ST6GALNAC3: variants seen among roughly 807,000 people sequenced by gnomAD.
The protein encoded by ST6GALNAC3 is alpha-N-acetylgalactosaminide alpha-2,6-sialyltransferase 3.
A neutral mutation model predicts 32.7 loss-of-function variants in ST6GALNAC3; 25 were observed. The observed-to-expected ratio is 0.76, with a 90% CI of 0.56 to 1.07. ST6GALNAC3 has a LOEUF of 1.07. Ranked by LOEUF, ST6GALNAC3 falls within the 50% of genes least tolerant of loss-of-function variation. ST6GALNAC3 has a pLI of 0.00. For missense variants in ST6GALNAC3, 355 were observed against 382.4 expected, an observed-to-expected ratio of 0.93 and a Z score of 0.60; for synonymous variants, 129 against 133.1, an observed-to-expected ratio of 0.97 and a Z score of 0.21.
At chr1:76,433,491 C>T (rs2101459518) in intron 3 of ST6GALNAC3, among the ~76,000 whole-genome samples, 1 of 152,172 alleles carries the variant, frequency 6.6e-6, no homozygotes, top group East Asian at 1.9e-4. Context: ...TGCATATGTA[C>T]ACATAATAAG....
At chr1:76,289,265 A>G (rs921057409) in intron 1 of ST6GALNAC3, among the ~76,000 whole-genome samples, 2 of 152,096 alleles carry the variant, frequency 1.3e-5, no homozygotes, top group African/African-American at 4.8e-5. Context: ...TTTTGGGCAC[A>G]TTTTCTCTGA....
intron 3 of ST6GALNAC3, among the ~76,000 whole-genome samples, chr1:76,601,249 A>G (rs1302737255): frequency 6.6e-6 from 1 of 152,096 alleles, no homozygotes; most frequent in Non-Finnish European, 1.5e-5. Context: ...ATTCTATTTC[A>G]GGAAAATAGC....
chr1:76,074,899 CTG>C lies in ST6GALNAC3; in HGVS notation c.18+18_18+19del, dbSNP rs770818510. 7 of 1,589,952 alleles carry C rather than the reference CTG, an allele frequency of 4.4e-6. No homozygotes were observed. The Admixed American group carries it at 1.2e-4, about 28-fold the overall frequency. On this transcript the variant is annotated intron_variant, in intron 1 of 4. Transcript: ENST00000328299. ...GCATCCTGAAGGTAACGACTTGGAT[CTG>C]TGGCTCGGACGCGTGGTTGGCCAGC...
intron 1 of ST6GALNAC3, among the ~76,000 whole-genome samples, chr1:76,103,169 C>A (rs1571154591): frequency 7.7e-6 from 1 of 130,078 alleles, no homozygotes; most frequent in African/African-American, 2.9e-5. Context: ...GTGAAGTTTT[C>A]TTTTTACATT....
At position 76,524,714 on chromosome 1, in the gene ST6GALNAC3, G is replaced by GTT. The variant is rs199723434; in HGVS notation, c.624-102723_624-102722dup. On this transcript the variant is annotated intron_variant, in intron 3 of 4. Transcript: ENST00000328299. Reference sequence around the variant, plus strand: ...TATAGAAATAGAGGCAAATATTTCAGTTTTTTTTTTTTTTTTACAGAACGT... The same window carrying GTT: ...TATAGAAATAGAGGCAAATATTTCAGTTTTTTTTTTTTTTTTTTACAGAACGT... Among the ~76,000 whole-genome samples the GTT allele has an allele frequency of 8.9e-4, 125 of 140,100 alleles. No homozygotes were observed. The Middle Eastern group carries it at 0.015, about 17-fold the overall frequency. 91.9% of individuals were successfully genotyped at this position (140,100 alleles called of 152,430 possible).
chr1:76,456,696 C>G (rs1008852161), intron 3 of ST6GALNAC3, among the ~76,000 whole-genome samples: 1 of 152,064 alleles, frequency 6.6e-6, no homozygotes, highest in African/African-American at 2.4e-5. Flanking sequence ...ATTGATGAGA[C>G]GTATCTCAAA....
intron 2 of ST6GALNAC3, among the ~76,000 whole-genome samples, chr1:76,361,265 T>G (rs567070444): frequency 4.1e-4 from 63 of 152,248 alleles, no homozygotes; most frequent in African/African-American, 1.4e-3. Context: ...ACTACCATTC[T>G]CCTTTCTGTT....
chr1:76,290,904 T>C (rs1660044607), intron 1 of ST6GALNAC3, among the ~76,000 whole-genome samples: 1 of 152,148 alleles, frequency 6.6e-6, no homozygotes, highest in Non-Finnish European at 1.5e-5. Flanking sequence ...GATCCACACA[T>C]ACCTGTCCTG....
intron 1 of ST6GALNAC3, among the ~76,000 whole-genome samples, chr1:76,260,758 C>T (rs539476858): frequency 6.6e-6 from 1 of 152,184 alleles, no homozygotes; most frequent in Non-Finnish European, 1.5e-5. Context: ...GGTGCAGACT[C>T]TGAATAAATT....
At chr1:76,496,363 T>A (rs1163865380) in intron 3 of ST6GALNAC3, among the ~76,000 whole-genome samples, 1 of 152,196 alleles carries the variant, frequency 6.6e-6, no homozygotes, top group Non-Finnish European at 1.5e-5. Context: ...GGGGAAGCAC[T>A]TGAACCCATA....
chr1:76,224,735 T>C (rs1416024021), intron 1 of ST6GALNAC3, among the ~76,000 whole-genome samples: 1 of 152,192 alleles, frequency 6.6e-6, no homozygotes, highest in African/African-American at 2.4e-5. Flanking sequence ...AATATTTCCC[T>C]TAAATCAGCC....
At chr1:76,092,449 C>T (rs575552810) in intron 1 of ST6GALNAC3, among the ~76,000 whole-genome samples, 55 of 151,806 alleles carry the variant, frequency 3.6e-4, no homozygotes, top group Non-Finnish European at 2.4e-4. Context: ...CAAAAGATGA[C>T]ATTTTTTGAT....
chr1:76,483,367 C>T (rs1353121680), intron 3 of ST6GALNAC3, among the ~76,000 whole-genome samples: 1 of 152,132 alleles, frequency 6.6e-6, no homozygotes, highest in African/African-American at 2.4e-5. Flanking sequence ...CCTATTTCTC[C>T]ACATCCTCTC....
intron 1 of ST6GALNAC3, among the ~76,000 whole-genome samples, chr1:76,283,875 T>C (rs1000904878): frequency 1.3e-4 from 20 of 152,222 alleles, no homozygotes; most frequent in African/African-American, 3.9e-4. Flanking sequence ...TCTTCAGATG[T>C]TGGGATTCAA....
chr1:76,627,308 A>C (rs1212671530), intron 3 of ST6GALNAC3, 144 bp from the exon 4 acceptor site: 3 of 607,362 alleles, frequency 4.9e-6, no homozygotes, highest in Middle Eastern at 3.2e-4. Flanking sequence ...TCTTTGACAT[A>C]TTGTCAAGTT....
chr1:76,185,478 A>G (rs1218485936), intron 1 of ST6GALNAC3, among the ~76,000 whole-genome samples: 2 of 152,226 alleles, frequency 1.3e-5, no homozygotes, highest in African/African-American at 4.8e-5. Context: ...TCTGGAAAAC[A>G]TAAAATATGT....
intron 3 of ST6GALNAC3, among the ~76,000 whole-genome samples, chr1:76,484,664 G>A (rs920886326): frequency 6.6e-6 from 1 of 152,182 alleles, no homozygotes; most frequent in African/African-American, 2.4e-5. Flanking sequence ...CATGTCATCT[G>A]CAAACAGGGA....
intron 1 of ST6GALNAC3, among the ~76,000 whole-genome samples, chr1:76,224,268 T>C (rs1655944812): frequency 1.3e-5 from 2 of 152,318 alleles, no homozygotes; most frequent in Middle Eastern, 3.4e-3. Context: ...TTATCTTTTC[T>C]CCTCCTTTAT....
At chr1:76,494,429 G>GTATGTATATA (rs1660678886) in intron 3 of ST6GALNAC3, among the ~76,000 whole-genome samples, 1 of 53,420 alleles carries the variant, frequency 1.9e-5, no homozygotes, top group African/African-American at 6.3e-5. Context: ...GTGTGCATGT[G>GTATGTATATA]TATATATATA....
Sources: allele counts gnomAD v4.1 joint callset (sites outside exome capture counted in the v4.1 genomes callset), GRCh38; gene constraint gnomAD v4.1.1; transcripts MANE v1.5; gene names NCBI Gene and HGNC (gene_info 2026-07-23, HGNC 2026-07-21).